Variants in PID1 observed in about 807,000 individuals in gnomAD.
The protein encoded by PID1 is PTB-containing, cubilin and LRP1-interacting protein.
In PID1, 10 loss-of-function variants were observed where a neutral mutation model predicts 19.1. The ratio of observed to expected loss-of-function variants is 0.52; its 90% confidence interval spans 0.32 to 0.89. The LOEUF (loss-of-function observed/expected upper bound fraction) is 0.89. PID1 is among the 40% of genes least tolerant of loss of function. PID1 has a pLI of 0.03. For missense variants in PID1, 248 were observed against 285.3 expected (o/e 0.87, Z 0.94); for synonymous variants, 130 against 116.0 (o/e 1.12, Z -0.78).
intron 1 of PID1, among the ~76,000 whole-genome samples, chr2:229,235,741 G>C (rs946961901): frequency 1.3e-5 from 2 of 152,180 alleles, no homozygotes; most frequent in African/African-American, 4.8e-5. Flanking sequence ...GGGCTGGAGA[G>C]ATGAGAGATT....
chr2:229,109,180 C>T (rs1695242704), intron 2 of PID1, among the ~76,000 whole-genome samples: 1 of 152,102 alleles, frequency 6.6e-6, no homozygotes, highest in South Asian at 2.1e-4. Flanking sequence ...TCATGAAGAT[C>T]ACCTTGGTAA....
intron 1 of PID1, among the ~76,000 whole-genome samples, chr2:229,209,205 T>C (rs918214813): frequency 6.6e-6 from 1 of 152,216 alleles, no homozygotes; most frequent in Non-Finnish European, 1.5e-5. Context: ...AAAGGAACTA[T>C]ACCAGCAAGG....
At chr2:229,155,348 T>C (rs887399928) in intron 2 of PID1, among the ~76,000 whole-genome samples, 10 of 152,052 alleles carry the variant, frequency 6.6e-5, no homozygotes, top group African/African-American at 2.4e-4. Context: ...GGGCAGATCA[T>C]GAGGTCAGGA....
chr2:229,254,902 A>G (rs542621195), intron 1 of PID1, among the ~76,000 whole-genome samples: 1 of 152,312 alleles, frequency 6.6e-6, no homozygotes, highest in African/African-American at 2.4e-5. Flanking sequence ...ATTTTCTGCT[A>G]CTGCAGAAAT....
intron 2 of PID1, among the ~76,000 whole-genome samples, chr2:229,097,630 T>A (rs957651180): frequency 1.3e-5 from 2 of 152,192 alleles, no homozygotes; most frequent in African/African-American, 4.8e-5. Context: ...GACTGAAGCA[T>A]AATTAGGAAT....
chr2:229,048,867 G>T (rs904228055), intron 2 of PID1, among the ~76,000 whole-genome samples: 3 of 152,096 alleles, frequency 2.0e-5, no homozygotes, highest in African/African-American at 7.2e-5. Context: ...TTGCAATAGA[G>T]GGTGCTGTGA....
intron 1 of PID1, among the ~76,000 whole-genome samples, chr2:229,219,108 C>A (rs948459900): frequency 6.6e-6 from 1 of 152,196 alleles, no homozygotes; most frequent in African/African-American, 2.4e-5. Flanking sequence ...GGGCAAGACT[C>A]TACAAATTAC....
Position 229,243,636 on chromosome 2 carries a change from C to T in PID1, c.30+27378G>A, listed in dbSNP as rs185158278. Among the ~76,000 whole-genome samples the T allele has an allele frequency of 1.8e-3, 269 of 152,154 alleles. 4 individuals carry two copies. Among genetic ancestry groups the T allele is most frequent in the African/African-American group, 6.1e-3 (252 of 41,538 alleles). ...TTCTGTAGCTAACATTCTACAGGTA[C>T]GTGGCATTTGAATATGAAGCCCAAA... is the stretch of plus-strand genomic sequence containing the variant. On this transcript the variant is annotated intron_variant, in intron 1 of 2. Transcript: ENST00000392055.
intron 1 of PID1, among the ~76,000 whole-genome samples, chr2:229,233,518 G>A (rs1456200102): frequency 6.1e-5 from 9 of 146,880 alleles, no homozygotes; most frequent in African/African-American, 2.0e-4. Context: ...TTGAAATGGA[G>A]TCTCACTCTA....
At chr2:229,176,324 G>A (rs1370629177) in intron 1 of PID1, among the ~76,000 whole-genome samples, 2 of 152,164 alleles carry the variant, frequency 1.3e-5, no homozygotes, top group African/African-American at 4.8e-5. Context: ...GAGCTCCCCT[G>A]CTTGCCTCAG....
intron 2 of PID1, among the ~76,000 whole-genome samples, chr2:229,066,242 T>C (rs191875687): frequency 2.6e-5 from 4 of 152,204 alleles, no homozygotes; most frequent in Admixed American, 2.6e-4. Flanking sequence ...CTGTTCTAGG[T>C]GATGAAAGCA....
chr2:229,232,930 C>T (rs557115646), intron 1 of PID1, among the ~76,000 whole-genome samples: 26 of 151,634 alleles, frequency 1.7e-4, no homozygotes, highest in Admixed American at 3.3e-4. Flanking sequence ...AAAGTCACTC[C>T]GAGTTGAGAC....
chr2:229,117,068 T>C (rs1178480584), intron 2 of PID1, among the ~76,000 whole-genome samples: 1 of 152,222 alleles, frequency 6.6e-6, no homozygotes, highest in Non-Finnish European at 1.5e-5. Flanking sequence ...GTTATTTATA[T>C]GTGAATAGCT....
At chr2:229,229,104 G>C (rs756247190) in intron 1 of PID1, among the ~76,000 whole-genome samples, 1 of 152,188 alleles carries the variant, frequency 6.6e-6, no homozygotes, top group Non-Finnish European at 1.5e-5. Flanking sequence ...CTATCACTAA[G>C]TCTATGTGTG....
chr2:229,043,835 A>C, intron 2 of PID1, among the ~76,000 whole-genome samples: 1 of 152,220 alleles, frequency 6.6e-6, no homozygotes, highest in South Asian at 2.1e-4. Context: ...AGGTAAGCAG[A>C]AAATGCATCT....
intron 1 of PID1, among the ~76,000 whole-genome samples, chr2:229,231,345 T>C (rs944392793): frequency 4.6e-5 from 7 of 152,104 alleles, no homozygotes; most frequent in Non-Finnish European, 1.0e-4. Flanking sequence ...AGCACCACAA[T>C]TGGGCTTCTA....
intron 1 of PID1, among the ~76,000 whole-genome samples, chr2:229,169,479 C>T (rs1009196500): frequency 1.3e-5 from 2 of 152,100 alleles, no homozygotes; most frequent in Non-Finnish European, 2.9e-5. Flanking sequence ...CTTCCTACAT[C>T]CTAGGCAGAA....
chr2:229,252,113 G>T (rs893589427), intron 1 of PID1, among the ~76,000 whole-genome samples: 2 of 151,978 alleles, frequency 1.3e-5, no homozygotes, highest in African/African-American at 4.8e-5. Flanking sequence ...GAAGAAAGGA[G>T]AGGTGGTGAT....
rs536696392 is a variant in PID1, at chr2:229,031,560, AAAAGAAAAGAAAAGG to A, written c.178-5467_178-5453del. On this transcript the variant is annotated intron_variant, in intron 2 of 2. Transcript: ENST00000392055. ...GAAACAGAGTGTGACCTTGTCTCAA[AAAAGAAAAGAAAAGG>A]AAAGAAAAGGAAAGAAAGGAAAAGA... Among the ~76,000 whole-genome samples, 25 of 152,316 alleles carry A rather than the reference AAAAGAAAAGAAAAGG, an allele frequency of 1.6e-4. No homozygotes were observed. In the East Asian group the frequency reaches 4.8e-3, roughly 29 times the overall value.
Sources: gnomAD v4.1 joint callset for allele counts (sites outside exome capture counted in the v4.1 genomes callset) on GRCh38, gnomAD v4.1.1 for gene constraint, MANE v1.5 for transcripts, NCBI Gene and HGNC (gene_info 2026-07-23, HGNC 2026-07-21) for gene names.